BMAL2: variants seen among roughly 807,000 people sequenced by gnomAD.
BMAL2 encodes the protein basic helix-loop-helix ARNT like 2.
the BMAL2 span, chr12:27,402,746 T>C: frequency 7.0e-7 from 1 of 1,432,408 alleles, no homozygotes; most frequent in Non-Finnish European, 9.6e-7. Flanking sequence ...ACTATCTTTT[T>C]CTGTCCTGGA....
At chr12:27,350,810 G>T in the BMAL2 span, among the ~76,000 whole-genome samples, 59,416 of 151,392 alleles carry the variant, frequency 0.39, 12,255 homozygotes, top group Admixed American at 0.49. Flanking sequence ...CTCCTGTGTC[G>T]CTGGGATTAC....
chr12:27,353,325 G>A, the BMAL2 span, among the ~76,000 whole-genome samples: 13 of 152,250 alleles, frequency 8.5e-5, no homozygotes, highest in East Asian at 7.7e-4. Context: ...AAACAATGGG[G>A]AAATGAGTCC....
At chr12:27,358,789 G>C in the BMAL2 span, among the ~76,000 whole-genome samples, 2 of 151,986 alleles carry the variant, frequency 1.3e-5, no homozygotes, top group East Asian at 1.9e-4. Context: ...CTCGAGGGTA[G>C]GTACTAAATC....
the BMAL2 span, among the ~76,000 whole-genome samples, chr12:27,359,101 C>G: frequency 3.9e-5 from 6 of 152,306 alleles, no homozygotes; most frequent in African/African-American, 1.4e-4. Flanking sequence ...ATGCCAAATC[C>G]TGTACCACAC....
chr12:27,386,501 A>G, the BMAL2 span, among the ~76,000 whole-genome samples: 1 of 152,192 alleles, frequency 6.6e-6, no homozygotes, highest in Non-Finnish European at 1.5e-5. Flanking sequence ...CAAAAACTAT[A>G]ACAAGGTGTA....
chr12:27,409,404 C>T, the BMAL2 span, among the ~76,000 whole-genome samples: 31 of 152,058 alleles, frequency 2.0e-4, no homozygotes, highest in African/African-American at 7.0e-4. Context: ...GAGATATAGA[C>T]CAATGGAACA....
chr12:27,411,055 A>T, the BMAL2 span, among the ~76,000 whole-genome samples: 1 of 152,172 alleles, frequency 6.6e-6, no homozygotes, highest in Admixed American at 6.5e-5. Flanking sequence ...TAAGCTTTAT[A>T]TTAAACTTTA....
the BMAL2 span, among the ~76,000 whole-genome samples, chr12:27,363,650 T>C: frequency 6.6e-6 from 1 of 152,238 alleles, no homozygotes; most frequent in Admixed American, 6.5e-5. Context: ...CAGTTTTCTA[T>C]TGAGAGTCAT....
the BMAL2 span, among the ~76,000 whole-genome samples, chr12:27,395,418 G>A: frequency 1.4e-3 from 215 of 152,148 alleles, no homozygotes; most frequent in African/African-American, 4.1e-3. Context: ...AATAATCTGC[G>A]GACTTTTAAC....
the BMAL2 span, chr12:27,400,857 T>A: frequency 8.3e-7 from 1 of 1,203,342 alleles, no homozygotes; most frequent in South Asian, 1.9e-5. Flanking sequence ...CACTGCTAGT[T>A]TTTCTTTTTC....
the BMAL2 span, among the ~76,000 whole-genome samples, chr12:27,348,418 T>G: frequency 6.6e-6 from 1 of 152,070 alleles, no homozygotes; most frequent in Non-Finnish European, 1.5e-5. Context: ...GTAGCAAAAT[T>G]GATAGGGTGA....
the BMAL2 span, chr12:27,415,895 A>G: frequency 6.2e-7 from 1 of 1,608,730 alleles, no homozygotes; most frequent in Admixed American, 1.7e-5. Context: ...TACCTTGATG[A>G]TTCGAGTCCA....
At chr12:27,357,821 T>C in the BMAL2 span, among the ~76,000 whole-genome samples, 1 of 152,146 alleles carries the variant, frequency 6.6e-6, no homozygotes, top group Non-Finnish European at 1.5e-5. Context: ...TGGAGAAGAA[T>C]GAAACTGGAT....
At chr12:27,334,224 T>C in the BMAL2 span, among the ~76,000 whole-genome samples, 1 of 152,216 alleles carries the variant, frequency 6.6e-6, no homozygotes, top group Admixed American at 6.5e-5. Flanking sequence ...GTTTATAAGC[T>C]CTGACACCCT....
chr12:27,380,307 ACTGT>A, the BMAL2 span: 1 of 1,614,118 alleles, frequency 6.2e-7, no homozygotes, highest in Non-Finnish European at 8.5e-7. Flanking sequence ...TGATTGAAGA[ACTGT>A]CTGCAATGAT....
chr12:27,420,259 C>A, the BMAL2 span: 1 of 1,078,962 alleles, frequency 9.3e-7, no homozygotes, highest in Admixed American at 2.3e-5. Context: ...TATACTTTGC[C>A]TTCAAAAATA....
At chr12:27,420,734 A>T in the BMAL2 span, 1 of 520,858 alleles carries the variant, frequency 1.9e-6, no homozygotes, top group Non-Finnish European at 3.1e-6. Flanking sequence ...TTTATTATAG[A>T]CTCCTTTATT....
the BMAL2 span, among the ~76,000 whole-genome samples, chr12:27,400,956 T>A: frequency 1.3e-5 from 2 of 152,174 alleles, no homozygotes; most frequent in African/African-American, 2.4e-5. Context: ...CATGTAAACT[T>A]GGAAGAGTGT....
chr12:27,376,335 C>T, the BMAL2 span: 3 of 1,612,222 alleles, frequency 1.9e-6, no homozygotes, highest in South Asian at 1.1e-5. Flanking sequence ...TTTTATCCTG[C>T]TTTTTTGTAG....
Sources: allele counts gnomAD v4.1 joint callset (sites outside exome capture counted in the v4.1 genomes callset), GRCh38; gene constraint gnomAD v4.1.1; transcripts MANE v1.5; gene names NCBI Gene and HGNC (gene_info 2026-07-23, HGNC 2026-07-21).